The following PCM1 variants were observed in gnomAD, a reference collection of about 807,000 sequenced individuals.
PCM1 encodes the protein pericentriolar material 1.
A neutral mutation model predicts 241.9 loss-of-function variants in PCM1; 157 were observed. That is an observed-to-expected ratio of 0.65 (90% CI 0.57 to 0.74). PCM1 has a LOEUF of 0.74. Among genes scored for constraint, PCM1 ranks in the 30% least tolerant of loss-of-function variants. PCM1 has a pLI of 0.00. For missense variants in PCM1, 3,478 were observed against 2,360.1 expected, an observed-to-expected ratio of 1.47 and a Z score of -9.81; for synonymous variants, 1,085 against 784.9, an observed-to-expected ratio of 1.38 and a Z score of -6.39.
intron 24 of PCM1, among the ~76,000 whole-genome samples, chr8:17,982,119 T>C (rs2081052012): frequency 6.6e-6 from 1 of 152,208 alleles, no homozygotes; most frequent in African/African-American, 2.4e-5. Context: ...TTTCTCAAGC[T>C]TACATTGCTA....
At chr8:17,991,262 G>A (rs368670797) in intron 27 of PCM1, among the ~76,000 whole-genome samples, 18 of 152,118 alleles carry the variant, frequency 1.2e-4, no homozygotes, top group African/African-American at 3.9e-4. Context: ...TGATAACTAA[G>A]TTTAAATCCT....
chr8:18,015,424 A>G (rs976174048), intron 36 of PCM1, among the ~76,000 whole-genome samples: 10 of 152,220 alleles, frequency 6.6e-5, no homozygotes, highest in African/African-American at 2.4e-4. Flanking sequence ...CATTTCTGAT[A>G]AATGCTTCTG....
chr8:17,976,964 T>G (rs139694983), intron 23 of PCM1, among the ~76,000 whole-genome samples: 362 of 152,292 alleles, frequency 2.4e-3, no homozygotes, highest in African/African-American at 8.3e-3. Flanking sequence ...TGTATTCCTT[T>G]TTAAAGTACC....
chr8:17,964,479 T>C (rs1172408568), intron 17 of PCM1, 89 bp from the exon 18 acceptor site: 5 of 909,508 alleles, frequency 5.5e-6, no homozygotes, highest in Non-Finnish European at 6.7e-6. Context: ...TGTATATGTA[T>C]GTTTGAAACA....
In PCM1 at chr8:17,972,946, A is replaced by G. The variant is rs571187308; in HGVS notation, c.3943+259A>G. 3.3e-5 allele frequency among the ~76,000 whole-genome samples: 5 copies of G among 152,272 alleles called. No individual in the cohort carries two copies. In the South Asian group the frequency reaches 1.0e-3, roughly 32 times the overall value. ...ACTTCTTAAAGCTTCAGTTTTGTAG[A>G]TTATTGAAAAATTGCCAAATGCCCA... On this transcript the variant is annotated intron_variant, in intron 23 of 38. Coordinates refer to ENST00000325083, the MANE Select transcript of PCM1 (RefSeq NM_006197.4).
chr8:17,967,676 A>T (rs2075410494), intron 21 of PCM1, among the ~76,000 whole-genome samples: 1 of 152,212 alleles, frequency 6.6e-6, no homozygotes, highest in South Asian at 2.1e-4. Flanking sequence ...CTACTTAGGA[A>T]TGATTGCTTC....
At position 18,026,165 on chromosome 8, in the gene PCM1, G is replaced by GAAAAA. The variant is rs1588876179; in HGVS notation, c.6049+510_6049+511insAAAAA. 5.9e-3 allele frequency among the ~76,000 whole-genome samples: 21 copies of GAAAAA among 3,574 alleles called. 10 individuals are homozygous for GAAAAA. Among genetic ancestry groups the GAAAAA allele is most frequent in the Admixed American group, 8.3e-3 (2 of 240 alleles). 2.3% of individuals were successfully genotyped at this position (3,574 alleles called of 152,430 possible). A position where few individuals can be genotyped will look rare whatever the true frequency, so the allele number is the denominator to read the frequency against. On this transcript the variant is annotated intron_variant, in intron 38 of 38. Coordinates refer to ENST00000325083, the MANE Select transcript of PCM1 (RefSeq NM_006197.4). Reference sequence around the variant, plus strand: ...GGTGAAAGAGCGAGACTCCCTCTCTGAAACAAAAAAAAAAAAAAAAAAAAA... The same window carrying GAAAAA: ...GGTGAAAGAGCGAGACTCCCTCTCTGAAAAAAAACAAAAAAAAAAAAAAAAAAAAA...
intron 17 of PCM1, 133 bp from the exon 18 acceptor site, chr8:17,964,435 T>G: frequency 1.6e-6 from 1 of 633,642 alleles, no homozygotes. Context: ...CGTAGCATAG[T>G]TATTGTGATT....
intron 24 of PCM1, among the ~76,000 whole-genome samples, chr8:17,982,977 G>A (rs2129476028): frequency 6.6e-6 from 1 of 152,258 alleles, no homozygotes; most frequent in Non-Finnish European, 1.5e-5. Flanking sequence ...ACCTTGATGT[G>A]TATGCTTCTA....
chr8:17,981,365 A>G (rs542332785), intron 24 of PCM1, among the ~76,000 whole-genome samples: 1 of 152,314 alleles, frequency 6.6e-6, no homozygotes, highest in East Asian at 1.9e-4. Flanking sequence ...AATCCAAGCT[A>G]GGATAGTTTC....
chr8:18,013,654 C>T (rs2092786979), intron 34 of PCM1, among the ~76,000 whole-genome samples: 1 of 152,174 alleles, frequency 6.6e-6, no homozygotes, highest in South Asian at 2.1e-4. Context: ...CCTCTCGTCA[C>T]TTCCTCCTTC....
intron 29 of PCM1, among the ~76,000 whole-genome samples, chr8:17,999,312 G>A (rs2088302557): frequency 6.6e-6 from 1 of 152,090 alleles, no homozygotes; most frequent in South Asian, 2.1e-4. Flanking sequence ...CATACTACAT[G>A]GGTATCACTG....
chr8:17,966,745 A>G (rs1026573397), intron 20 of PCM1, among the ~76,000 whole-genome samples: 9 of 152,222 alleles, frequency 5.9e-5, no homozygotes. Flanking sequence ...AACAAACAAA[A>G]AAGTGATTTT....
chr8:17,938,808 C>T lies in PCM1; in HGVS notation c.411C>T (p.Asn137=), dbSNP rs773536166. Residue 137 remains asparagine, a synonymous_variant, in exon 5 of 39, where the codon AAC becomes AAT. Transcript: ENST00000325083. ...AANNKRQLSE[N]RKPFNFLPMQ... ...ACAACAAACGTCAGCTTAGTGAAAACCGAAAGCCCTTCAACTTTTTGCCTA... is the reference window on the plus strand; with the variant it reads ...ACAACAAACGTCAGCTTAGTGAAAATCGAAAGCCCTTCAACTTTTTGCCTA... 1 of 1,613,028 alleles carries T rather than the reference C, an allele frequency of 6.2e-7. No homozygotes were observed.
In PCM1 at chr8:17,985,994, A is replaced by G. The variant is rs552766033; in HGVS notation, c.4317A>G (p.Glu1439=). 23 of 1,587,770 alleles carry G rather than the reference A, an allele frequency of 1.4e-5. 1 individual carries two copies. The East Asian group carries it at 4.5e-4, about 31-fold the overall frequency. ...IVSRHISESH[E]KGENVKSVNS... is the part of the protein sequence containing the mutation. ...CCAGACATATTTCTGAGAGCCATGA[A>G]AAAGGAGAAAATGTAAAGTCAGTAA... is the stretch of plus-strand genomic sequence containing the variant. Residue 1439 remains glutamate (E), a synonymous_variant, in exon 26 of 39, where the codon GAA becomes GAG. Transcript: ENST00000325083.
intron 23 of PCM1, among the ~76,000 whole-genome samples, chr8:17,973,048 C>G (rs576261015): frequency 1.3e-5 from 2 of 151,892 alleles, no homozygotes; most frequent in Admixed American, 6.6e-5. Context: ...TAGATGGATT[C>G]TTGATTGATT....
Position 17,956,724 on chromosome 8 carries a change from A to G in PCM1, c.1593A>G (p.Glu531=). ...VNENRKDEET[E]ESEYDSEHEN... is the part of the protein sequence containing the mutation. ...AAAACAGGAAAGATGAAGAAACTGA[A>G]GAGTCAGAATATGATTCTGAGCATG... Residue 531 remains glutamate, a synonymous_variant, in exon 11 of 39, where the codon GAA becomes GAG. Coordinates refer to ENST00000325083, the MANE Select transcript of PCM1 (RefSeq NM_006197.4). The G allele has an allele frequency of 1.2e-6, 2 of 1,608,602 alleles. No individual in the cohort carries two copies. The highest frequency in any genetic ancestry group is 1.7e-6 in the Non-Finnish European group (2 of 1,176,836).
In PCM1 at chr8:17,953,159, C is replaced by T. The variant is rs910693787; in HGVS notation, c.1261C>T (p.Arg421Ter). 13 of 1,574,822 alleles carry T rather than the reference C, an allele frequency of 8.3e-6. No individual in the cohort carries two copies. Among genetic ancestry groups the T allele is most frequent in the Non-Finnish European group, 1.1e-5 (13 of 1,157,896 alleles). ...DKLLGELHTL[R>*]DQHLNNSSSS... is the part of the protein sequence containing the mutation. ...ATTGCTTGGAGAACTTCATACACTT[C>T]GAGATCAGCATCTTAACAATTCATC... is the stretch of plus-strand genomic sequence containing the variant. The change falls in exon 9 of 39, where the codon CGA becomes TGA. Residue 421 changes from arginine to a stop codon, truncating the protein, a stop_gained. Coordinates refer to ENST00000325083, the MANE Select transcript of PCM1 (RefSeq NM_006197.4). LOFTEE classifies it high-confidence loss of function.
At chr8:17,982,793 C>G (rs1201194482) in intron 24 of PCM1, among the ~76,000 whole-genome samples, 2 of 152,046 alleles carry the variant, frequency 1.3e-5, no homozygotes, top group African/African-American at 4.8e-5. Context: ...CATGCCCAGC[C>G]CTGAAAAGAT....
Sources: allele counts gnomAD v4.1 joint callset (sites outside exome capture counted in the v4.1 genomes callset), GRCh38; gene constraint gnomAD v4.1.1; transcripts MANE v1.5; gene names NCBI Gene and HGNC (gene_info 2026-07-23, HGNC 2026-07-21).